TNFSF4: variants seen among roughly 807,000 people sequenced by gnomAD.
TNFSF4 encodes tumor necrosis factor ligand superfamily member 4.
In TNFSF4, 4 loss-of-function variants were observed where a neutral mutation model predicts 7.3. The ratio of observed to expected loss-of-function variants is 0.55; its 90% CI spans 0.27 to 1.25. The LOEUF is 1.25. Among genes scored for constraint, TNFSF4 ranks in the 50% most tolerant of loss-of-function variants. The pLI is 0.12. For synonymous variants in TNFSF4, 76 were observed against 83.7 expected (o/e 0.91, Z 0.50); for missense variants, 181 against 208.8 (o/e 0.87, Z 0.82).
At chr1:173,409,442 C>T in the TNFSF4 span, among the ~76,000 whole-genome samples, 1 of 151,946 alleles carries the variant, frequency 6.6e-6, no homozygotes, top group African/African-American at 2.4e-5. Flanking sequence ...TCCTTGGGTC[C>T]AGGAATGATA....
At chr1:173,286,446 C>G in the TNFSF4 span, among the ~76,000 whole-genome samples, 1 of 152,086 alleles carries the variant, frequency 6.6e-6, no homozygotes, top group Non-Finnish European at 1.5e-5. Context: ...AGAAATATAC[C>G]TACACATATA....
At chr1:173,407,005 C>G in the TNFSF4 span, among the ~76,000 whole-genome samples, 1 of 151,970 alleles carries the variant, frequency 6.6e-6, no homozygotes, top group African/African-American at 2.4e-5. Context: ...AATGGCAAGG[C>G]AGGATATTAC....
intron 1 of TNFSF4, among the ~76,000 whole-genome samples, chr1:173,202,045 CTA>C (rs1015553460): frequency 7.1e-6 from 1 of 140,758 alleles, no homozygotes; most frequent in Non-Finnish European, 1.5e-5. Flanking sequence ...GAAGTAATTG[CTA>C]TATATATATA....
chr1:173,179,335 A>G (rs1195602617), downstream of TNFSF4, among the ~76,000 whole-genome samples: 1 of 152,216 alleles, frequency 6.6e-6, no homozygotes, highest in African/African-American at 2.4e-5. Context: ...ACTGTACTCC[A>G]AACTTTAGAG....
chr1:173,178,789 C>G (rs1439971812), downstream of TNFSF4, among the ~76,000 whole-genome samples: 1 of 152,120 alleles, frequency 6.6e-6, no homozygotes, highest in Admixed American at 6.5e-5. Flanking sequence ...GCAAAACAGA[C>G]TTTGCAGACA....
the TNFSF4 span, among the ~76,000 whole-genome samples, chr1:173,342,840 C>G: frequency 2.8e-4 from 43 of 152,200 alleles, no homozygotes; most frequent in Admixed American, 1.2e-3. Context: ...TCTGAGAAAT[C>G]TAGAAGTGAT....
the TNFSF4 span, among the ~76,000 whole-genome samples, chr1:173,227,771 G>A: frequency 3.9e-5 from 6 of 152,198 alleles, no homozygotes; most frequent in Non-Finnish European, 8.8e-5. Context: ...CTTAGCAAAC[G>A]GCACACCAGG....
rs562946535 is a variant in TNFSF4, at chr1:173,186,609, C to T, written c.459G>A (p.Val153=). 1 of 1,614,168 alleles carries T rather than the reference C, an allele frequency of 6.2e-7. No homozygotes were observed. The highest frequency in any genetic ancestry group is 1.1e-5 in the South Asian group (1 of 91,078). The change falls in exon 3 of 3, where the codon GTG becomes GTA. Residue 153 remains valine (V), a synonymous_variant. Coordinates refer to ENST00000281834, the MANE Select transcript of TNFSF4 (RefSeq NM_003326.5). ...CATCCAGGGAGGTATTGTCAGTGGT[C>T]ACATTCAAGTAGACTTTGTCTTTGT... The part of the protein sequence containing the change: ...LTYKDKVYLN[V]TTDNTSLDDF...
the TNFSF4 span, among the ~76,000 whole-genome samples, chr1:173,267,577 T>C: frequency 0.21 from 32,387 of 152,082 alleles, 3,781 homozygotes; most frequent in Admixed American, 0.32. Context: ...CAAAACTCAG[T>C]GGTTTAAAAC....
At chr1:173,431,738 G>C in the TNFSF4 span, among the ~76,000 whole-genome samples, 1 of 152,232 alleles carries the variant, frequency 6.6e-6, no homozygotes, top group East Asian at 1.9e-4. Flanking sequence ...TACAATGCAT[G>C]TTCAGGACTG....
the TNFSF4 span, among the ~76,000 whole-genome samples, chr1:173,324,776 C>T: frequency 6.6e-6 from 1 of 152,160 alleles, no homozygotes; most frequent in Non-Finnish European, 1.5e-5. Context: ...AAGGCCATTA[C>T]ATAATGGTAA....
intron 1 of TNFSF4, among the ~76,000 whole-genome samples, chr1:173,197,210 C>G (rs1296112035): frequency 2.0e-5 from 3 of 152,178 alleles, no homozygotes; most frequent in Non-Finnish European, 4.4e-5. Context: ...AAAAGGAACA[C>G]TTTTACACTG....
chr1:173,279,800 G>A, the TNFSF4 span, among the ~76,000 whole-genome samples: 3,682 of 151,916 alleles, frequency 0.024, 60 homozygotes, highest in Middle Eastern at 0.058. Context: ...CAGGTTTCCC[G>A]GAGTCTTCTT....
chr1:173,361,632 T>C, the TNFSF4 span, among the ~76,000 whole-genome samples: 2 of 152,102 alleles, frequency 1.3e-5, no homozygotes, highest in Non-Finnish European at 2.9e-5. Context: ...ACACTTTCTT[T>C]TTTTTTCTTT....
At chr1:173,254,869 T>C in the TNFSF4 span, among the ~76,000 whole-genome samples, 4 of 152,306 alleles carry the variant, frequency 2.6e-5, no homozygotes, top group Admixed American at 2.6e-4. Context: ...TCATAAATTA[T>C]AAAAAGAGAA....
At chr1:173,303,462 G>A in the TNFSF4 span, among the ~76,000 whole-genome samples, 1 of 151,812 alleles carries the variant, frequency 6.6e-6, no homozygotes, top group African/African-American at 2.4e-5. Context: ...TGCTCTTTCC[G>A]TAGTTAGAAG....
the TNFSF4 span, among the ~76,000 whole-genome samples, chr1:173,264,651 T>G: frequency 6.6e-6 from 1 of 152,200 alleles, no homozygotes; most frequent in Non-Finnish European, 1.5e-5. Context: ...CAAACAAACT[T>G]TCTGACATTA....
chr1:173,252,286 A>G, the TNFSF4 span, among the ~76,000 whole-genome samples: 4 of 152,194 alleles, frequency 2.6e-5, no homozygotes, highest in Non-Finnish European at 5.9e-5. Context: ...TTACAAGGTA[A>G]GTCCAATTTT....
At chr1:173,291,935 C>T in the TNFSF4 span, among the ~76,000 whole-genome samples, 57 of 151,416 alleles carry the variant, frequency 3.8e-4, no homozygotes, top group African/African-American at 1.2e-3. Flanking sequence ...ACAACCTCCC[C>T]AAGATTGAAA....
Sources: gnomAD v4.1 joint callset for allele counts (sites outside exome capture counted in the v4.1 genomes callset) on GRCh38, gnomAD v4.1.1 for gene constraint, MANE v1.5 for transcripts, NCBI Gene and HGNC (gene_info 2026-07-23, HGNC 2026-07-21) for gene names.